CCNY: variants seen among roughly 807,000 people sequenced by gnomAD.
CCNY encodes the protein cyclin-Y.
CCNY carries 19 observed loss-of-function variants against 42.8 expected under a neutral mutation model. The observed-to-expected ratio is 0.44, with a 90% CI of 0.31 to 0.65. The LOEUF (loss-of-function observed/expected upper bound fraction) is 0.65, where lower values mean the gene tolerates loss of function less well. Among genes scored for constraint, CCNY ranks in the 30% least tolerant of loss-of-function variants. The pLI is 0.07. For missense variants in CCNY, 370 were observed against 437.3 expected, an observed-to-expected ratio of 0.85 and a Z score of 1.37; for synonymous variants, 165 against 162.7, an observed-to-expected ratio of 1.01 and a Z score of -0.11.
chr10:35,533,470 C>T (rs996287935), intron 7 of CCNY, among the ~76,000 whole-genome samples: 4 of 152,142 alleles, frequency 2.6e-5, no homozygotes, highest in Non-Finnish European at 5.9e-5. Context: ...GCTCTGTTCC[C>T]TGGATGTACC....
intron 3 of CCNY, among the ~76,000 whole-genome samples, chr10:35,317,808 G>A (rs1835777748): frequency 6.6e-6 from 1 of 152,188 alleles, no homozygotes; most frequent in East Asian, 1.9e-4. Flanking sequence ...CAATGGATAG[G>A]TGAGCACCGT....
intron 3 of CCNY, among the ~76,000 whole-genome samples, chr10:35,288,376 T>C (rs965602181): frequency 7.2e-5 from 11 of 152,298 alleles, no homozygotes; most frequent in Admixed American, 3.3e-4. Flanking sequence ...TGTCTTATTA[T>C]TGTTATCAAA....
chr10:35,311,992 A>AT (rs1835690594), intron 3 of CCNY, among the ~76,000 whole-genome samples: 1 of 151,314 alleles, frequency 6.6e-6, no homozygotes, highest in Non-Finnish European at 1.5e-5. Context: ...TCTAAAAAAA[A>AT]TTTTTTTGTT....
intron 7 of CCNY, among the ~76,000 whole-genome samples, chr10:35,547,973 C>T (rs1443231586): frequency 1.3e-5 from 2 of 152,080 alleles, no homozygotes; most frequent in Non-Finnish European, 2.9e-5. Flanking sequence ...ATACTTAGAA[C>T]CTCTTACTAC....
intron 5 of CCNY, among the ~76,000 whole-genome samples, chr10:35,528,259 T>C (rs1840692603): frequency 1.3e-5 from 2 of 152,180 alleles, no homozygotes; most frequent in African/African-American, 4.8e-5. Flanking sequence ...GGTATCAGAG[T>C]GTAACCACGT....
chr10:35,405,206 C>T (rs1047557261), intron 1 of CCNY, among the ~76,000 whole-genome samples: 2 of 152,142 alleles, frequency 1.3e-5, no homozygotes, highest in African/African-American at 4.8e-5. Flanking sequence ...CATGCTGTAA[C>T]AGGCAAGTGA....
At chr10:35,473,919 G>C (rs540803706) in intron 1 of CCNY, among the ~76,000 whole-genome samples, 1 of 152,280 alleles carries the variant, frequency 6.6e-6, no homozygotes, top group East Asian at 1.9e-4. Flanking sequence ...CAGACAGTGA[G>C]CGCAGGTCAG....
chr10:35,549,372 A>T (rs1841193418), intron 7 of CCNY, among the ~76,000 whole-genome samples: 2 of 151,694 alleles, frequency 1.3e-5, no homozygotes, highest in African/African-American at 4.8e-5. Flanking sequence ...CTCATGGCTT[A>T]TGACCCTACA....
intron 1 of CCNY, among the ~76,000 whole-genome samples, chr10:35,377,505 C>G (rs543163677): frequency 6.6e-6 from 1 of 152,284 alleles, no homozygotes; most frequent in Non-Finnish European, 1.5e-5. Flanking sequence ...CTATGACTAT[C>G]TAGGTTTGTG....
intron 1 of CCNY, among the ~76,000 whole-genome samples, chr10:35,370,681 C>T (rs1393004159): frequency 2.0e-5 from 3 of 151,858 alleles, no homozygotes; most frequent in South Asian, 4.2e-4. Flanking sequence ...CACTTTTCTT[C>T]CTTTGGTTAA....
chr10:35,286,492 C>A (rs540074337), intron 3 of CCNY, among the ~76,000 whole-genome samples: 1 of 151,630 alleles, frequency 6.6e-6, no homozygotes, highest in African/African-American at 2.4e-5. Flanking sequence ...CCAAGTACCT[C>A]GGATTACAGG....
chr10:35,311,533 CA>C (rs1014069211), intron 3 of CCNY, among the ~76,000 whole-genome samples: 2 of 151,732 alleles, frequency 1.3e-5, no homozygotes, highest in African/African-American at 4.8e-5. Flanking sequence ...AAAAATTAGC[CA>C]GGCATAGTGG....
chr10:35,456,096 C>T (rs963815953), intron 1 of CCNY, among the ~76,000 whole-genome samples: 5 of 152,122 alleles, frequency 3.3e-5, no homozygotes, highest in East Asian at 3.9e-4. Flanking sequence ...CTTAATGGCT[C>T]AGGTTTTGCA....
Position 35,455,818 on chromosome 10 carries a change from TTTTTTTTA to T in CCNY, c.155-27585_155-27578del, listed in dbSNP as rs1206079297. Among the ~76,000 whole-genome samples, 934 of 136,562 alleles carry T rather than the reference TTTTTTTTA, an allele frequency of 6.8e-3. 11 individuals are homozygous for T. The highest frequency in any genetic ancestry group is 0.025 in the African/African-American group (889 of 35,414). 89.6% of individuals were successfully genotyped at this position (136,562 alleles called of 152,430 possible). On this transcript the variant is annotated intron_variant, in intron 1 of 9. Transcript: ENST00000374704. ...AGGGATGCTTCCTTTTTTTTTTTTT[TTTTTTTTA>T]AAAAAAGAAAAAGACAGGGTCTCAC...
chr10:35,301,794 C>G (rs908468144), intron 3 of CCNY, among the ~76,000 whole-genome samples: 1 of 151,894 alleles, frequency 6.6e-6, no homozygotes, highest in African/African-American at 2.4e-5. Flanking sequence ...GCCACCATGC[C>G]TAGCTAATTT....
intron 3 of CCNY, among the ~76,000 whole-genome samples, chr10:35,254,168 C>T (rs183520304): frequency 2.2e-4 from 34 of 152,242 alleles, no homozygotes; most frequent in African/African-American, 6.0e-4. Flanking sequence ...TGAGCCACCG[C>T]GCCCGGCCTT....
intron 3 of CCNY, among the ~76,000 whole-genome samples, chr10:35,281,301 A>C (rs1835296853): frequency 6.6e-6 from 1 of 151,814 alleles, no homozygotes. Context: ...TTATTTATTT[A>C]TTTATTTATT....
At chr10:35,378,179 G>T (rs1414864202) in intron 1 of CCNY, among the ~76,000 whole-genome samples, 1 of 152,138 alleles carries the variant, frequency 6.6e-6, no homozygotes, top group Non-Finnish European at 1.5e-5. Context: ...TTGTCATTTG[G>T]GAAAGTATTG....
At chr10:35,486,014 T>C (rs890381309) in intron 2 of CCNY, among the ~76,000 whole-genome samples, 29 of 152,216 alleles carry the variant, frequency 1.9e-4, no homozygotes, top group African/African-American at 6.3e-4. Flanking sequence ...TTTTTCTCTG[T>C]ACTGTTCAAA....
Sources: gnomAD v4.1 joint callset for allele counts (sites outside exome capture counted in the v4.1 genomes callset) on GRCh38, gnomAD v4.1.1 for gene constraint, MANE v1.5 for transcripts, NCBI Gene and HGNC (gene_info 2026-07-23, HGNC 2026-07-21) for gene names.